The following C1orf94 variants were observed in gnomAD, a reference collection of about 807,000 sequenced individuals.
The protein encoded by C1orf94 is uncharacterized protein C1orf94.
C1orf94 carries 45 observed loss-of-function variants against 53.6 expected under a neutral mutation model. That is an observed-to-expected ratio of 0.84 (90% CI 0.66 to 1.08). The LOEUF is 1.08. Among genes scored for constraint, C1orf94 ranks in the 50% least tolerant of loss-of-function variants. The pLI is 0.00. For synonymous variants in C1orf94, 304 were observed against 296.1 expected (o/e 1.03, Z -0.27); for missense variants, 762 against 738.9 (o/e 1.03, Z -0.36).
Position 34,202,232 on chromosome 1 carries a change from G to A in C1orf94, c.1419G>A (p.Thr473=), listed in dbSNP as rs564773544. 576 of 1,614,154 alleles carry A rather than the reference G, an allele frequency of 3.6e-4. 4 individuals are homozygous for A. The South Asian group carries it at 4.1e-3, about 11-fold the overall frequency. ...ACTATCCACCTCCACCAGTGTTCAC[G>A]AATCACTCTACCTTCTTGCAGTATC... ...NLNYPPPPVF[T]NHSTFLQYQG... Residue 473 remains threonine (T), a synonymous_variant, in exon 4 of 7, where the codon ACG becomes ACA. Coordinates refer to ENST00000488417, the MANE Select transcript of C1orf94 (RefSeq NM_001134734.2).
chr1:34,219,005 A>G lies in C1orf94; in HGVS notation c.*244A>G, dbSNP rs1643039631. On this transcript the variant is annotated 3_prime_UTR_variant, in exon 7 of 7. Coordinates refer to ENST00000488417, the MANE Select transcript of C1orf94 (RefSeq NM_001134734.2). ...CCTCATATTCATACTTGCTTGCTCA[A>G]CCACTTATGCATCTATATTTAGCTA... 2 of 340,698 alleles carry G rather than the reference A, an allele frequency of 5.9e-6. No individual in the cohort carries two copies. Among genetic ancestry groups the G allele is most frequent in the Admixed American group, 4.7e-5 (1 of 21,200 alleles). The allele number at this position is 340,698 out of a possible 1,614,324, so 21.1% of individuals were successfully genotyped here.
Position 34,202,268 on chromosome 1 carries a change from G to A in C1orf94, c.1446+9G>A. On this transcript the variant is annotated intron_variant, in intron 4 of 6. Transcript: ENST00000488417. Reference sequence around the variant, plus strand: ...CCTTCTTGCAGTATCAGGTCAGTGAGCTGGCCTGGCTCTCCTGTGGACATC... The same window carrying A: ...CCTTCTTGCAGTATCAGGTCAGTGAACTGGCCTGGCTCTCCTGTGGACATC... 1 of 1,613,068 alleles carries A rather than the reference G, an allele frequency of 6.2e-7. No homozygotes were observed. The highest frequency in any genetic ancestry group is 8.5e-7 in the Non-Finnish European group (1 of 1,179,486).
chr1:34,212,284 C>T lies in C1orf94; in HGVS notation c.1599C>T (p.Ile533=). The T allele has an allele frequency of 1.2e-6, 2 of 1,614,018 alleles. No homozygotes were observed. Among genetic ancestry groups the T allele is most frequent in the Non-Finnish European group, 1.7e-6 (2 of 1,179,994 alleles). Reference sequence around the variant, plus strand: ...CCTACACCCCTCTGCTGAGCTACATCCCTTTTGTCCAGCCCAATTATCCCT... The same window carrying T: ...CCTACACCCCTCTGCTGAGCTACATTCCTTTTGTCCAGCCCAATTATCCCT... ...RSSYTPLLSY[I]PFVQPNYPYP... is the part of the protein sequence containing the mutation. Residue 533 remains isoleucine, a synonymous_variant, in exon 6 of 7, where the codon ATC becomes ATT. Coordinates refer to ENST00000488417, the MANE Select transcript of C1orf94 (RefSeq NM_001134734.2).
At position 34,168,148 on chromosome 1, in the gene C1orf94, A is replaced by T. The variant is rs985795641; in HGVS notation, c.-251+977A>T. 2.0e-5 allele frequency among the ~76,000 whole-genome samples: 3 copies of T among 152,236 alleles called. No individual in the cohort carries two copies. The Middle Eastern group carries it at 0.01, about 518-fold the overall frequency. ...TGAGATGGCAACGGTGGAAGATGGGATCTAAAATTAAGCAAGATGCTCAGG... is the reference window on the plus strand; with the variant it reads ...TGAGATGGCAACGGTGGAAGATGGGTTCTAAAATTAAGCAAGATGCTCAGG... On this transcript the variant is annotated intron_variant, in intron 1 of 6. Transcript: ENST00000373374.
At position 34,176,985 on chromosome 1, in the gene C1orf94, C is replaced by A. The variant is rs1052636930; in HGVS notation, c.-805C>A. Among the ~76,000 whole-genome samples, 2 of 152,206 alleles carry A rather than the reference C, an allele frequency of 1.3e-5. No homozygotes were observed. Among genetic ancestry groups the A allele is most frequent in the Non-Finnish European group, 2.9e-5 (2 of 68,032 alleles). ...ACGGCGAGGGTGTGGGAGCTACTGGCAGGCAAATTGGTGGGAGCCGCCCGG... is the reference window on the plus strand; with the variant it reads ...ACGGCGAGGGTGTGGGAGCTACTGGAAGGCAAATTGGTGGGAGCCGCCCGG... On this transcript the variant is annotated 5_prime_UTR_variant, in exon 1 of 7. Transcript: ENST00000488417.
intron 1 of C1orf94, among the ~76,000 whole-genome samples, chr1:34,187,874 G>A (rs955750881): frequency 6.7e-6 from 1 of 149,596 alleles, no homozygotes; most frequent in Non-Finnish European, 1.5e-5. Context: ...GGGAAGCAGG[G>A]TATCTCACTT....
chr1:34,200,563 T>C (rs1642686409), intron 2 of C1orf94, among the ~76,000 whole-genome samples: 1 of 151,904 alleles, frequency 6.6e-6, no homozygotes. Context: ...GATGGATGGA[T>C]TGATGGATGC....
At chr1:34,196,042 G>A (rs553455947) in intron 1 of C1orf94, among the ~76,000 whole-genome samples, 22 of 152,282 alleles carry the variant, frequency 1.4e-4, no homozygotes, top group African/African-American at 5.3e-4. Context: ...CATGATAGAA[G>A]GCTGAGTAGT....
intron 2 of C1orf94, among the ~76,000 whole-genome samples, chr1:34,198,789 G>A (rs1642645190): frequency 6.6e-6 from 1 of 152,226 alleles, no homozygotes; most frequent in South Asian, 2.1e-4. Context: ...TTGCAGGAAG[G>A]CCAAGGAATC....
chr1:34,204,273 T>G (rs1642759822), intron 4 of C1orf94, among the ~76,000 whole-genome samples: 1 of 152,202 alleles, frequency 6.6e-6, no homozygotes, highest in Non-Finnish European at 1.5e-5. Context: ...AGGCTTAGTT[T>G]CTGAATCTTA....
Position 34,184,731 on chromosome 1 carries a change from T to A in C1orf94, c.320+6622T>A, listed in dbSNP as rs1219499193. On this transcript the variant is annotated intron_variant, in intron 1 of 6. Transcript: ENST00000488417. ...CTCGGCTTCCTTGCTTGAATGGCTCTCCCAACAAACATCTCTTTGTGCTAC... is the reference window on the plus strand; with the variant it reads ...CTCGGCTTCCTTGCTTGAATGGCTCACCCAACAAACATCTCTTTGTGCTAC... Among the ~76,000 whole-genome samples, 2 of 152,198 alleles carry A rather than the reference T, an allele frequency of 1.3e-5. 1 individual carries two copies. Among genetic ancestry groups the A allele is most frequent in the African/African-American group, 4.8e-5 (2 of 41,444 alleles).
At chr1:34,214,533 C>T (rs1333764635) in intron 6 of C1orf94, among the ~76,000 whole-genome samples, 1 of 152,132 alleles carries the variant, frequency 6.6e-6, no homozygotes, top group Non-Finnish European at 1.5e-5. Flanking sequence ...AGACAAGCCC[C>T]CTGCAGGTTG....
intron 1 of C1orf94, among the ~76,000 whole-genome samples, chr1:34,184,932 C>G (rs925020388): frequency 6.6e-6 from 1 of 152,088 alleles, no homozygotes; most frequent in Non-Finnish European, 1.5e-5. Flanking sequence ...ATGTCTCAGA[C>G]TAGAAGCCAG....
chr1:34,209,349 C>T (rs1369413850), intron 5 of C1orf94, among the ~76,000 whole-genome samples: 2 of 149,680 alleles, frequency 1.3e-5, no homozygotes, highest in Non-Finnish European at 2.9e-5. Context: ...TATAGTTGTA[C>T]ACATGCCACC....
chr1:34,181,318 A>G (rs990823577), intron 1 of C1orf94, among the ~76,000 whole-genome samples: 4 of 152,200 alleles, frequency 2.6e-5, no homozygotes, highest in Non-Finnish European at 5.9e-5. Context: ...TCCTTGTGGC[A>G]GTGTAACTTT....
Position 34,197,881 on chromosome 1 carries a change from C to G in C1orf94, c.977C>G (p.Ala326Gly). 6.2e-7 allele frequency: 1 copy of G among 1,614,050 alleles called. No individual in the cohort carries two copies. Among genetic ancestry groups the G allele is most frequent in the Non-Finnish European group, 8.5e-7 (1 of 1,179,942 alleles). ...GCCAAGATCTGTTCCAAGCCCAAGGCTGACCCTGCTGTGGAGAGGCACCAC... is the reference window on the plus strand; with the variant it reads ...GCCAAGATCTGTTCCAAGCCCAAGGGTGACCCTGCTGTGGAGAGGCACCAC... ...VFAKICSKPK[A>G]DPAVERHHLM... The change falls in exon 2 of 7, where the codon GCT becomes GGT. Residue 326 changes from alanine (A) to glycine (G), a missense_variant. Physicochemically the swap from Ala to Gly is moderately conservative, Grantham distance 60. Coordinates refer to ENST00000488417, the MANE Select transcript of C1orf94 (RefSeq NM_001134734.2). The surrounding 1 kb of genome is among the most constrained non-coding windows in gnomAD (Gnocchi z 4.1).
At chr1:34,193,100 G>A (rs1473438896) in intron 1 of C1orf94, among the ~76,000 whole-genome samples, 1 of 152,120 alleles carries the variant, frequency 6.6e-6, no homozygotes, top group Non-Finnish European at 1.5e-5. Context: ...GGGGCGTGGT[G>A]GAAGGAGACC....
At position 34,177,807 on chromosome 1, in the gene C1orf94, T is replaced by A. The variant is rs775171633; in HGVS notation, c.18T>A (p.Gly6=). 1 of 1,538,718 alleles carries A rather than the reference T, an allele frequency of 6.5e-7. No individual in the cohort carries two copies. Among genetic ancestry groups the A allele is most frequent in the South Asian group, 1.2e-5 (1 of 83,704 alleles). The change falls in exon 1 of 7, where the codon GGT becomes GGA. Residue 6 remains glycine, a synonymous_variant. Coordinates refer to ENST00000488417, the MANE Select transcript of C1orf94 (RefSeq NM_001134734.2). ...TCTGGTGAATGAGGGGTGGTGGTGG[T>A]TGTGTTCTAGCCCTGGGTGGACAGA... MRGGG[G]CVLALGGQRG...
At chr1:34,210,410 C>T (rs1642870431) in intron 5 of C1orf94, among the ~76,000 whole-genome samples, 1 of 152,170 alleles carries the variant, frequency 6.6e-6, no homozygotes, top group Non-Finnish European at 1.5e-5. Context: ...CCAAAGAGGA[C>T]ACAGCATAGA....
Sources: gnomAD v4.1 joint callset for allele counts (sites outside exome capture counted in the v4.1 genomes callset) on GRCh38, gnomAD v4.1.1 for gene constraint, Gnocchi (gnomAD v3.1) non-coding constraint, MANE v1.5 for transcripts, NCBI Gene and HGNC (gene_info 2026-07-23, HGNC 2026-07-21) for gene names.